ZNF33B: variants seen among roughly 807,000 people sequenced by gnomAD.
The protein encoded by ZNF33B is zinc finger protein 11b (KOX 2).
A neutral mutation model predicts 45.8 loss-of-function variants in ZNF33B; 29 were observed. That is an observed-to-expected ratio of 0.63 (90% CI 0.47 to 0.86). The LOEUF is 0.86. ZNF33B is among the 40% of genes least tolerant of loss of function. ZNF33B has a pLI of 0.00. For missense variants in ZNF33B, 831 were observed against 909.9 expected (o/e 0.91, Z 1.12); for synonymous variants, 305 against 307.8 (o/e 0.99, Z 0.10).
intron 4 of ZNF33B, among the ~76,000 whole-genome samples, chr10:42,594,952 CTTGGTTTCT>C (rs1837337011): frequency 1.3e-5 from 2 of 152,136 alleles, no homozygotes; most frequent in African/African-American, 4.8e-5. Context: ...AATGCACACA[CTTGGTTTCT>C]AATGTAAGAA....
intron 4 of ZNF33B, among the ~76,000 whole-genome samples, chr10:42,621,310 C>A (rs1838574138): frequency 6.6e-6 from 1 of 151,436 alleles, no homozygotes. Context: ...CCAGTCTGGG[C>A]AACAGAGTGA....
At chr10:42,584,938 C>T (rs1008370842), downstream of ZNF33B, among the ~76,000 whole-genome samples, 10 of 152,212 alleles carry the variant, frequency 6.6e-5, no homozygotes, top group Non-Finnish European at 2.9e-5. Context: ...GAGTTTCAGG[C>T]TCTGCTCGAT....
chr10:42,597,799 T>C (rs1837463537), intron 4 of ZNF33B, among the ~76,000 whole-genome samples: 2 of 152,300 alleles, frequency 1.3e-5, no homozygotes, highest in Admixed American at 1.3e-4. Flanking sequence ...CTGCAATTAA[T>C]TCTTCATGAA....
chr10:42,585,655 G>A (rs953100278), downstream of ZNF33B, among the ~76,000 whole-genome samples: 1 of 152,212 alleles, frequency 6.6e-6, no homozygotes, highest in Non-Finnish European at 1.5e-5. Context: ...ACATGACAAG[G>A]AAATGCAAAA....
rs113309913 is a variant in ZNF33B at position 42,604,101 on chromosome 10, C to T, written c.251-9402G>A. Reference sequence around the variant, plus strand: ...AAAAATGGCAGGCAACAGCAACTGCCCTTGAGAAGATCCAGATATCAGACT... The same window carrying T: ...AAAAATGGCAGGCAACAGCAACTGCTCTTGAGAAGATCCAGATATCAGACT... On this transcript the variant is annotated intron_variant, in intron 4 of 4. Transcript: ENST00000359467. 1.2e-3 allele frequency among the ~76,000 whole-genome samples: 181 copies of T among 152,270 alleles called. 1 individual carries two copies. Among genetic ancestry groups the T allele is most frequent in the Middle Eastern group, 0.01 (3 of 294 alleles).
At position 42,595,817 on chromosome 10, in the gene ZNF33B, T is replaced by C. The variant is rs367667445; in HGVS notation, c.251-1118A>G. On this transcript the variant is annotated intron_variant, in intron 4 of 4. Transcript: ENST00000359467. ...GAGAACTCACCAGAAACCAACGCTG[T>C]TGTCACCTTGACTTTAGAATTACAG... is the stretch of plus-strand genomic sequence containing the variant. 5.0e-4 allele frequency among the ~76,000 whole-genome samples: 76 copies of C among 152,302 alleles called. 2 individuals carry two copies. Among genetic ancestry groups the C allele is most frequent in the African/African-American group, 1.8e-3 (75 of 41,580 alleles).
At chr10:42,607,789 G>C (rs1352578676) in intron 4 of ZNF33B, among the ~76,000 whole-genome samples, 4 of 151,916 alleles carry the variant, frequency 2.6e-5, no homozygotes, top group Non-Finnish European at 5.9e-5. Context: ...AATACAAAGG[G>C]GTTTCAAACC....
intron 4 of ZNF33B, among the ~76,000 whole-genome samples, chr10:42,607,866 A>G (rs181014205): frequency 6.6e-6 from 1 of 152,330 alleles, no homozygotes; most frequent in East Asian, 1.9e-4. Context: ...CCATCTGTAT[A>G]GCAATAACGA....
chr10:42,580,092 T>C (rs752530844), intron 1 of ZNF33B, among the ~76,000 whole-genome samples: 6 of 152,168 alleles, frequency 3.9e-5, no homozygotes, highest in African/African-American at 4.8e-5. Context: ...CTCTAGAGAA[T>C]ATAGGTAATA....
intron 4 of ZNF33B, among the ~76,000 whole-genome samples, chr10:42,625,486 T>G (rs1388365664): frequency 6.6e-6 from 1 of 152,192 alleles, no homozygotes; most frequent in African/African-American, 2.4e-5. Context: ...CTTTTCTTTT[T>G]TTTTGTTTTT....
At position 42,593,778 on chromosome 10, in the gene ZNF33B, C is replaced by T; in HGVS notation, c.1172G>A (p.Gly391Glu). 3 of 1,613,914 alleles carry T rather than the reference C, an allele frequency of 1.9e-6. No individual in the cohort carries two copies. In the South Asian group the frequency reaches 3.3e-5, roughly 18 times the overall value. Residue 391 changes from glycine to glutamate, a missense_variant, in exon 5 of 5, where the codon GGG (glycine) becomes GAG (glutamate). Coordinates refer to ENST00000359467, the MANE Select transcript of ZNF33B (RefSeq NM_006955.3). Reference sequence around the variant, plus strand: ...GGCTGACTTATGGCTAAAGGCTTTCCCACATTCATTGCATTCAAAAGGTTT... The same window carrying T: ...GGCTGACTTATGGCTAAAGGCTTTCTCACATTCATTGCATTCAAAAGGTTT... ...GEKPFECNECGKAFSHKSALT... is the reference protein window; with the variant it reads ...GEKPFECNECEKAFSHKSALT...
rs1837240054 is a variant in ZNF33B at position 42,593,423 on chromosome 10, C to T, written c.1527G>A (p.Lys509=). The change falls in exon 5 of 5, where the codon AAG becomes AAA. Residue 509 remains lysine (K), a synonymous_variant. Transcript: ENST00000359467. ...TTATCTGATGCCTGGTGAGTACTGA[C>T]TTGTGGTAGAAAGTTTTCCCACATG... The part of the protein sequence containing the change: ...CNACGKTFYH[K]SVLTRHQIIH... 6.2e-7 allele frequency: 1 copy of T among 1,614,036 alleles called. No homozygotes were observed. Among genetic ancestry groups the T allele is most frequent in the Non-Finnish European group, 8.5e-7 (1 of 1,179,980 alleles).
At chr10:42,602,587 G>C (rs1333654525) in intron 4 of ZNF33B, among the ~76,000 whole-genome samples, 1 of 152,064 alleles carries the variant, frequency 6.6e-6, no homozygotes, top group African/African-American at 2.4e-5. Context: ...TTTGTTCTAG[G>C]ATGCACTTAA....
rs1839075808 is a variant in ZNF33B at position 42,631,927 on chromosome 10, A to C, written c.250+2T>G. ...GAATCTGTGCAGTACATATTAACCC[A>C]CCTGGAAAGCTCTGGCTTGGGAATT... is the stretch of plus-strand genomic sequence containing the variant. On this transcript the variant is annotated splice_donor_variant, in intron 4 of 4. Coordinates refer to ENST00000359467, the MANE Select transcript of ZNF33B (RefSeq NM_006955.3). LOFTEE classifies it high-confidence loss of function. 5.0e-6 allele frequency: 8 copies of C among 1,613,432 alleles called. No individual in the cohort carries two copies. The highest frequency in any genetic ancestry group is 5.9e-6 in the Non-Finnish European group (7 of 1,179,548).
intron 4 of ZNF33B, among the ~76,000 whole-genome samples, chr10:42,630,704 G>A (rs780042033): frequency 2.0e-5 from 3 of 152,146 alleles, no homozygotes; most frequent in Non-Finnish European, 2.9e-5. Flanking sequence ...GGACTTTAAT[G>A]AGCTCTCTAT....
At chr10:42,576,194 T>TC (rs1165844129) in intron 1 of ZNF33B, among the ~76,000 whole-genome samples, 4 of 151,752 alleles carry the variant, frequency 2.6e-5, no homozygotes, top group Admixed American at 2.0e-4. Context: ...TCACCATGTT[T>TC]CCCAGGGTGG....
At chr10:42,616,730 T>C (rs1217860643) in intron 4 of ZNF33B, among the ~76,000 whole-genome samples, 1 of 152,166 alleles carries the variant, frequency 6.6e-6, no homozygotes, top group Non-Finnish European at 1.5e-5. Context: ...GGAGTCTCGC[T>C]CTGTCGCCAG....
chr10:42,575,100 TA>T, intron 1 of ZNF33B, among the ~76,000 whole-genome samples: 1 of 152,344 alleles, frequency 6.6e-6, no homozygotes, highest in African/African-American at 2.4e-5. Flanking sequence ...AATTTCTGTA[TA>T]AGAAAGAAGC....
chr10:42,605,038 A>G (rs1189576721), intron 4 of ZNF33B: 1 of 152,070 alleles, frequency 6.6e-6, no homozygotes, highest in Non-Finnish European at 1.5e-5. Context: ...GAGTGAGGAA[A>G]AATGAAGAAA....
Sources: allele counts gnomAD v4.1 joint callset (sites outside exome capture counted in the v4.1 genomes callset), GRCh38; gene constraint gnomAD v4.1.1; transcripts MANE v1.5; gene names NCBI Gene and HGNC (gene_info 2026-07-23, HGNC 2026-07-21).